Variants in DCC observed in about 807,000 individuals in gnomAD.
DCC encodes DCC netrin 1 receptor.
Under a neutral mutation model 172.5 loss-of-function variants are expected in DCC, and 58 were observed. That is an observed-to-expected ratio of 0.34 (90% CI 0.27 to 0.42). The LOEUF (loss-of-function observed/expected upper bound fraction) is 0.42, where lower values mean the gene tolerates loss of function less well. Ranked by LOEUF, DCC falls within the 10% of genes least tolerant of loss-of-function variation. DCC has a pLI of 1.00. For missense variants in DCC, 1,740 were observed against 1,791.0 expected (o/e 0.97, Z 0.51); for synonymous variants, 709 against 644.5 (o/e 1.10, Z -1.52).
chr18:53,155,109 T>G (rs1398915220), intron 7 of DCC, among the ~76,000 whole-genome samples: 2 of 151,878 alleles, frequency 1.3e-5, no homozygotes, highest in African/African-American at 4.8e-5. Context: ...TTTTTTTTTT[T>G]GCCATTCTTT....
intron 5 of DCC, among the ~76,000 whole-genome samples, chr18:52,949,530 A>C (rs2040602067): frequency 6.6e-6 from 1 of 152,062 alleles, no homozygotes. Flanking sequence ...TTTTCCCCTA[A>C]TTTGTTGCTT....
intron 5 of DCC, among the ~76,000 whole-genome samples, chr18:52,975,882 G>A (rs975982322): frequency 6.6e-6 from 1 of 152,134 alleles, no homozygotes; most frequent in Non-Finnish European, 1.5e-5. Flanking sequence ...GCAGTAGTAG[G>A]ATTGCTGGGT....
chr18:52,392,824 C>A (rs1002508298), intron 1 of DCC, among the ~76,000 whole-genome samples: 1 of 152,058 alleles, frequency 6.6e-6, no homozygotes, highest in African/African-American at 2.4e-5. Flanking sequence ...AAGTTGACTT[C>A]CATCTTCCAC....
At chr18:52,403,970 C>A (rs3862680) in intron 1 of DCC, among the ~76,000 whole-genome samples, 109,757 of 151,822 alleles carry the variant, frequency 0.72, 40,181 homozygotes, top group Non-Finnish European at 0.8. Flanking sequence ...AAGCATTAAC[C>A]CTCCTGGTGA....
chr18:52,912,860 T>C (rs1280504048), intron 3 of DCC, among the ~76,000 whole-genome samples: 3 of 152,062 alleles, frequency 2.0e-5, no homozygotes, highest in Admixed American at 6.6e-5. Flanking sequence ...ACTTCAACAA[T>C]TCAGGTTAGC....
At chr18:53,468,769 C>T (rs1444438637) in intron 25 of DCC, among the ~76,000 whole-genome samples, 3 of 152,154 alleles carry the variant, frequency 2.0e-5, no homozygotes, top group Non-Finnish European at 4.4e-5. Context: ...TTGACAGACA[C>T]CCACTTACTA....
intron 2 of DCC, among the ~76,000 whole-genome samples, chr18:52,753,115 T>A: frequency 6.6e-6 from 1 of 152,176 alleles, no homozygotes; most frequent in Admixed American, 6.5e-5. Context: ...TATACCCTCA[T>A]TTCAATTCCT....
intron 2 of DCC, among the ~76,000 whole-genome samples, chr18:52,761,926 G>GA (rs1198775414): frequency 0.047 from 4,109 of 87,824 alleles, 237 homozygotes; most frequent in African/African-American, 0.19. Flanking sequence ...AAAAAAAAAA[G>GA]AAAAAAAAAA....
chr18:52,371,009 A>G (rs1985097643), intron 1 of DCC, among the ~76,000 whole-genome samples: 1 of 152,236 alleles, frequency 6.6e-6, no homozygotes, highest in South Asian at 2.1e-4. Flanking sequence ...GCGGGAGTTC[A>G]GAAATCAATA....
At chr18:52,869,147 G>A (rs1048561975) in intron 2 of DCC, among the ~76,000 whole-genome samples, 1 of 152,222 alleles carries the variant, frequency 6.6e-6, no homozygotes, top group African/African-American at 2.4e-5. Context: ...TAGTGTTATA[G>A]CTCTTTTAGC....
rs73465086 is a variant in DCC at position 53,325,577 on chromosome 18, A to G, written c.2164+3420A>G. On this transcript the variant is annotated intron_variant, in intron 14 of 28. Transcript: ENST00000442544. ...ATTTAACTCCATGTTTTTCATATCA[A>G]TGCAGTCTAACTGTAATCCAATTTA... Among the ~76,000 whole-genome samples, 212 of 152,338 alleles carry G rather than the reference A, an allele frequency of 1.4e-3. 1 individual carries two copies. The highest frequency in any genetic ancestry group is 4.9e-3 in the African/African-American group (205 of 41,578).
chr18:52,793,081 T>G (rs1226513376), intron 2 of DCC, among the ~76,000 whole-genome samples: 1 of 152,186 alleles, frequency 6.6e-6, no homozygotes, highest in Non-Finnish European at 1.5e-5. Flanking sequence ...GCAGCAGATT[T>G]TATAGGCAGG....
intron 12 of DCC, among the ~76,000 whole-genome samples, chr18:53,289,722 A>G (rs1406155548): frequency 1.3e-5 from 2 of 152,292 alleles, no homozygotes; most frequent in South Asian, 2.1e-4. Context: ...CCAGCCATGT[A>G]ATTTTGAGAC....
At chr18:53,283,749 T>C (rs1398244681) in intron 12 of DCC, among the ~76,000 whole-genome samples, 1 of 152,326 alleles carries the variant, frequency 6.6e-6, no homozygotes, top group African/African-American at 2.4e-5. Flanking sequence ...AAATCTGCAA[T>C]TTTCCAAAAA....
intron 1 of DCC, among the ~76,000 whole-genome samples, chr18:52,562,067 A>G (rs993347371): frequency 6.6e-6 from 1 of 152,194 alleles, no homozygotes; most frequent in South Asian, 2.1e-4. Context: ...GGAGACTGAC[A>G]TCTAGTTAGG....
intron 11 of DCC, among the ~76,000 whole-genome samples, chr18:53,209,633 T>A (rs1598908768): frequency 6.6e-6 from 1 of 152,182 alleles, no homozygotes; most frequent in East Asian, 1.9e-4. Flanking sequence ...TAAAATGTAT[T>A]TTATACGTAA....
At chr18:53,121,857 C>T (rs2144290578) in intron 7 of DCC, among the ~76,000 whole-genome samples, 1 of 151,904 alleles carries the variant, frequency 6.6e-6, no homozygotes, top group Admixed American at 6.6e-5. Flanking sequence ...TTCTATAAAG[C>T]TTACTCTGTA....
rs141762456 is a variant in DCC at position 53,058,864 on chromosome 18, A to T, written c.986-4441A>T. On this transcript the variant is annotated intron_variant, in intron 5 of 28. Transcript: ENST00000442544. ...AGGAGAGAAAATTTTTCAAGAAAAAATCAGGACATCCTTCTTGGAGAAGTA... is the reference window on the plus strand; with the variant it reads ...AGGAGAGAAAATTTTTCAAGAAAAATTCAGGACATCCTTCTTGGAGAAGTA... Among the ~76,000 whole-genome samples the T allele has an allele frequency of 2.6e-3, 399 of 152,292 alleles. 2 individuals carry two copies. The highest frequency in any genetic ancestry group is 9.2e-3 in the African/African-American group (384 of 41,572).
chr18:52,377,747 TA>T (rs1372060535), intron 1 of DCC, among the ~76,000 whole-genome samples: 6 of 147,698 alleles, frequency 4.1e-5, no homozygotes, highest in Admixed American at 1.4e-4. Flanking sequence ...TTGCCCAGGA[TA>T]AAGGGTAAAG....
Sources: gnomAD v4.1 joint callset for allele counts (sites outside exome capture counted in the v4.1 genomes callset) on GRCh38, gnomAD v4.1.1 for gene constraint, MANE v1.5 for transcripts, NCBI Gene and HGNC (gene_info 2026-07-23, HGNC 2026-07-21) for gene names.